The following VPS13A variants were observed in gnomAD, a reference collection of about 807,000 sequenced individuals.
VPS13A encodes the protein vacuolar protein sorting 13 homolog A, also known as intermembrane lipid transfer protein VPS13A.
Under a neutral mutation model 390.9 loss-of-function variants are expected in VPS13A, and 264 were observed. The observed-to-expected ratio is 0.68, with a 90% CI of 0.61 to 0.75. The LOEUF is 0.75. VPS13A is among the 30% of genes least tolerant of loss of function. The pLI is 0.00. For missense variants in VPS13A, 3,409 were observed against 3,733.9 expected (o/e 0.91, Z 2.27); for synonymous variants, 1,231 against 1,227.1 (o/e 1.00, Z -0.07).
intron 31 of VPS13A, among the ~76,000 whole-genome samples, chr9:77,286,852 G>A (rs1447922530): frequency 6.6e-6 from 1 of 152,084 alleles, no homozygotes; most frequent in African/African-American, 2.4e-5. Flanking sequence ...AAGCCAATTG[G>A]TTGAAAGAAG....
intron 53 of VPS13A, among the ~76,000 whole-genome samples, chr9:77,351,784 G>T (rs1358316700): frequency 6.6e-6 from 1 of 152,026 alleles, no homozygotes; most frequent in Non-Finnish European, 1.5e-5. Flanking sequence ...CAGAAGAATC[G>T]CTTGAACCCG....
At chr9:77,355,770 A>C (rs1831740930) in intron 54 of VPS13A, among the ~76,000 whole-genome samples, 1 of 152,024 alleles carries the variant, frequency 6.6e-6, no homozygotes, top group Admixed American at 6.6e-5. Flanking sequence ...TTTATCTTAC[A>C]CCCCAGACCT....
chr9:77,313,590 A>T (rs1419096653), intron 35 of VPS13A, among the ~76,000 whole-genome samples: 1 of 152,228 alleles, frequency 6.6e-6, no homozygotes, highest in East Asian at 1.9e-4. Context: ...TAGTAGAAAA[A>T]TTTTAAAAAT....
At chr9:77,207,224 TA>T (rs1201364653) in intron 5 of VPS13A, among the ~76,000 whole-genome samples, 1 of 86,170 alleles carries the variant, frequency 1.2e-5, no homozygotes, top group Non-Finnish European at 2.4e-5. Context: ...TATATATATA[TA>T]TATATATATA....
At chr9:77,207,415 C>T (rs1250778367) in intron 5 of VPS13A, among the ~76,000 whole-genome samples, 1 of 149,426 alleles carries the variant, frequency 6.7e-6, no homozygotes, top group Non-Finnish European at 1.5e-5. Flanking sequence ...ACACACACAT[C>T]CTTTTATGAT....
At chr9:77,325,382 C>T (rs539223174) in intron 45 of VPS13A, among the ~76,000 whole-genome samples, 16 of 151,488 alleles carry the variant, frequency 1.1e-4, no homozygotes, top group East Asian at 7.8e-4. Context: ...TTTCTGTAGC[C>T]ACCATGTAGT....
intron 56 of VPS13A, 121 bp from the exon 57 acceptor site, chr9:77,358,236 G>T (rs1009658608): frequency 2.1e-5 from 18 of 854,156 alleles, no homozygotes; most frequent in Non-Finnish European, 3.0e-5. Flanking sequence ...GATTACAGGC[G>T]TGAGCCACCG....
rs114484950 is a variant in VPS13A, at chr9:77,302,656, A to G, written c.3813-259A>G. ...TCAAAAGTGCTGGGATTACAGGTGT[A>G]AGCTACTGTGCGTAGCTCTATTTCT... On this transcript the variant is annotated intron_variant, in intron 33 of 71. Transcript: ENST00000360280. Among the ~76,000 whole-genome samples the G allele has an allele frequency of 9.0e-3, 1,373 of 152,142 alleles. 16 individuals carry two copies. Among genetic ancestry groups the G allele is most frequent in the African/African-American group, 0.031 (1,270 of 41,500 alleles).
At chr9:77,341,594 G>A (rs922076547) in intron 50 of VPS13A, among the ~76,000 whole-genome samples, 1 of 150,618 alleles carries the variant, frequency 6.6e-6, no homozygotes. Flanking sequence ...AGACATGTTG[G>A]ACATTCATAC....
chr9:77,398,927 A>G (rs890695632), intron 68 of VPS13A, among the ~76,000 whole-genome samples: 7 of 147,942 alleles, frequency 4.7e-5, no homozygotes, highest in Non-Finnish European at 8.9e-5. Flanking sequence ...ACAAAAAACC[A>G]AACACCACAT....
chr9:77,320,784 A>G (rs544312943), intron 42 of VPS13A, among the ~76,000 whole-genome samples: 4 of 152,172 alleles, frequency 2.6e-5, no homozygotes, highest in African/African-American at 9.6e-5. Context: ...CTGCCTTTGT[A>G]AGTCTCTAGG....
At position 77,295,706 on chromosome 9, in the gene VPS13A, A is replaced by C. The variant is rs754992092; in HGVS notation, c.3672A>C (p.Pro1224=). Residue 1224 remains proline, a synonymous_variant, in exon 33 of 72, where the codon CCA becomes CCC. Coordinates refer to ENST00000360280, the MANE Select transcript of VPS13A (RefSeq NM_033305.3). The part of the protein sequence containing the change: ...KAPVVVIPQS[P]VSENVFVADF... Reference sequence around the variant, plus strand: ...CAGTTGTGGTCATCCCGCAGTCTCCAGTTTCTGAAAATGTTTTTGTTGCTG... The same window carrying C: ...CAGTTGTGGTCATCCCGCAGTCTCCCGTTTCTGAAAATGTTTTTGTTGCTG... 6.2e-7 allele frequency: 1 copy of C among 1,614,046 alleles called. No homozygotes were observed.
chr9:77,188,857 T>G (rs1824501782), intron 1 of VPS13A, among the ~76,000 whole-genome samples: 1 of 152,148 alleles, frequency 6.6e-6, no homozygotes, highest in East Asian at 1.9e-4. Flanking sequence ...TCATTAATCC[T>G]CTAATGATTA....
At chr9:77,367,931 G>A (rs1832526417) in intron 61 of VPS13A, 124 bp from the exon 62 acceptor site, 1 of 882,948 alleles carries the variant, frequency 1.1e-6, no homozygotes, top group Admixed American at 2.2e-5. Context: ...TGATTGGCAT[G>A]GGAAAATGTA....
At chr9:77,196,137 A>G (rs1279967803) in intron 1 of VPS13A, among the ~76,000 whole-genome samples, 2 of 151,740 alleles carry the variant, frequency 1.3e-5, no homozygotes, top group Non-Finnish European at 2.9e-5. Context: ...TATTTTATTT[A>G]TTTATTGTTA....
Position 77,353,517 on chromosome 9 carries a change from G to C in VPS13A, c.7528G>C (p.Val2510Leu). 1 of 1,613,250 alleles carries C rather than the reference G, an allele frequency of 6.2e-7. No individual in the cohort carries two copies. The highest frequency in any genetic ancestry group is 8.5e-7 in the Non-Finnish European group (1 of 1,179,544). The change falls in exon 54 of 72, where the codon GTA becomes CTA. Residue 2510 changes from valine to leucine, a missense_variant. Transcript: ENST00000360280. ...CACTGAAGATCCAAGGGTATTTAAA[G>C]TAACATATGAAAGTGAGAAAGCAGA... ...LFTEDPRVFK[V>L]TYESEKAELA...
At chr9:77,410,373 A>G (rs1276010613) in intron 71 of VPS13A, among the ~76,000 whole-genome samples, 1 of 152,238 alleles carries the variant, frequency 6.6e-6, no homozygotes, top group Non-Finnish European at 1.5e-5. Context: ...AAGGCTAGGA[A>G]GAAACTGCAT....
intron 45 of VPS13A, among the ~76,000 whole-genome samples, chr9:77,329,347 T>C (rs1483996595): frequency 6.6e-6 from 1 of 152,248 alleles, no homozygotes; most frequent in Non-Finnish European, 1.5e-5. Flanking sequence ...CCTTTTAGCC[T>C]ATCTCTGGTT....
intron 68 of VPS13A, chr9:77,384,681 T>C: frequency 6.3e-7 from 1 of 1,599,676 alleles, no homozygotes; most frequent in Non-Finnish European, 8.5e-7. Context: ...TCTAAACCAT[T>C]AAAATTCATA....
Sources: gnomAD v4.1 joint callset for allele counts (sites outside exome capture counted in the v4.1 genomes callset) on GRCh38, gnomAD v4.1.1 for gene constraint, MANE v1.5 for transcripts, NCBI Gene and HGNC (gene_info 2026-07-23, HGNC 2026-07-21) for gene names.